PRIM2: variants seen among roughly 807,000 people sequenced by gnomAD.
PRIM2 encodes DNA primase large subunit.
In PRIM2, 39 loss-of-function variants were observed where a neutral mutation model predicts 67.3. That is an observed-to-expected ratio of 0.58 (90% CI 0.45 to 0.76). The LOEUF (loss-of-function observed/expected upper bound fraction) is 0.76. Among genes scored for constraint, PRIM2 ranks in the 30% least tolerant of loss-of-function variants. PRIM2 has a pLI of 0.00. For missense variants in PRIM2, 398 were observed against 598.7 expected (o/e 0.66, Z 3.50); for synonymous variants, 143 against 198.7 (o/e 0.72, Z 2.36).
intron 5 of PRIM2, among the ~76,000 whole-genome samples, chr6:57,358,545 G>A (rs1324271549): frequency 6.6e-6 from 1 of 152,146 alleles, no homozygotes; most frequent in African/African-American, 2.4e-5. Context: ...GAATTTGCAA[G>A]TACATCTTTC....
At chr6:57,298,841 A>G in the PRIM2 span, among the ~76,000 whole-genome samples, 2 of 152,264 alleles carry the variant, frequency 1.3e-5, no homozygotes, top group African/African-American at 4.8e-5. Context: ...CACAATCTGA[A>G]TCATTTTGAT....
Position 57,318,432 on chromosome 6 carries a change from C to A in PRIM2, c.-9-5C>A. ...TTTTACGCTTTTTGTGTACTTCCTT[C>A]TAAGGTGACCAAGATGGAGTTTTCT... is the stretch of plus-strand genomic sequence containing the variant. On this transcript the variant is annotated splice_region_variant and splice_polypyrimidine_tract_variant and intron_variant, in intron 1 of 13. Transcript: ENST00000615550. 1 of 1,607,676 alleles carries A rather than the reference C, an allele frequency of 6.2e-7. No individual in the cohort carries two copies.
chr6:57,627,537 C>T (rs1275218172), intron 12 of PRIM2, among the ~76,000 whole-genome samples: 58,409 of 150,606 alleles, frequency 0.39, 11,606 homozygotes, highest in East Asian at 0.66. Flanking sequence ...TACAGACACG[C>T]ACCACCACAC....
Position 57,439,715 on chromosome 6 carries a change from G to A in PRIM2, c.693+57547G>A, listed in dbSNP as rs1454450403. Among the ~76,000 whole-genome samples, 231 of 151,884 alleles carry A rather than the reference G, an allele frequency of 1.5e-3. 1 individual carries two copies. Among genetic ancestry groups the A allele is most frequent in the Admixed American group, 0.015 (231 of 15,226 alleles). ...CAGGCCTGAGCCACCGTGCCTGGCC[G>A]AGGTGTTCTTTTTTAATGTTAAACT... On this transcript the variant is annotated intron_variant, in intron 7 of 13. Transcript: ENST00000615550.
At chr6:57,312,799 AT>A (rs1045568326), upstream of PRIM2, among the ~76,000 whole-genome samples, 3 of 152,128 alleles carry the variant, frequency 2.0e-5, no homozygotes, top group Non-Finnish European at 2.9e-5. Context: ...CCGTCTATAT[AT>A]TTGTTTTAAA....
the PRIM2 span, among the ~76,000 whole-genome samples, chr6:57,291,568 C>A: frequency 2.6e-5 from 4 of 152,162 alleles, no homozygotes; most frequent in Non-Finnish European, 4.4e-5. Context: ...GGCCAATATC[C>A]CTGATGAACA....
intron 5 of PRIM2, among the ~76,000 whole-genome samples, chr6:57,328,216 C>G (rs1048723758): frequency 1.1e-4 from 17 of 152,180 alleles, no homozygotes; most frequent in African/African-American, 4.1e-4. Context: ...ATTCACAAAT[C>G]TTGACATGCA....
the PRIM2 span, among the ~76,000 whole-genome samples, chr6:57,270,251 T>C: frequency 1.3e-5 from 2 of 152,150 alleles, no homozygotes; most frequent in East Asian, 3.8e-4. Context: ...TATTGATTCT[T>C]CCTACCCATG....
chr6:57,294,023 G>C, the PRIM2 span, among the ~76,000 whole-genome samples: 1 of 152,122 alleles, frequency 6.6e-6, no homozygotes, highest in Non-Finnish European at 1.5e-5. Context: ...TGAAAATCTA[G>C]ACATAGTTTA....
intron 10 of PRIM2, among the ~76,000 whole-genome samples, chr6:57,557,867 C>T (rs1487837069): frequency 6.6e-6 from 1 of 151,538 alleles, no homozygotes; most frequent in Admixed American, 6.6e-5. Context: ...TATTGAATTG[C>T]CTTGCAAATA....
the PRIM2 span, among the ~76,000 whole-genome samples, chr6:57,223,023 T>C: frequency 6.6e-6 from 1 of 152,214 alleles, no homozygotes; most frequent in Admixed American, 6.5e-5. Flanking sequence ...TTTATTGTAA[T>C]AATTCCTTAA....
At chr6:57,235,255 G>A in the PRIM2 span, among the ~76,000 whole-genome samples, 1 of 152,094 alleles carries the variant, frequency 6.6e-6, no homozygotes, top group Non-Finnish European at 1.5e-5. Context: ...GTGAGATCAG[G>A]AGCTCAAGAC....
intron 3 of PRIM2, among the ~76,000 whole-genome samples, chr6:57,321,654 T>C (rs1490155985): frequency 6.6e-6 from 1 of 152,154 alleles, no homozygotes; most frequent in Non-Finnish European, 1.5e-5. Flanking sequence ...ATAATAATGA[T>C]CATGATATTA....
At chr6:57,230,462 TAC>T in the PRIM2 span, among the ~76,000 whole-genome samples, 1 of 152,222 alleles carries the variant, frequency 6.6e-6, no homozygotes, top group Non-Finnish European at 1.5e-5. Context: ...TTGTTGTTGT[TAC>T]AGTTTATCTT....
intron 7 of PRIM2, among the ~76,000 whole-genome samples, chr6:57,465,966 C>T (rs1320044450): frequency 6.6e-6 from 1 of 151,806 alleles, no homozygotes; most frequent in South Asian, 2.1e-4. Flanking sequence ...TGCTATCCCT[C>T]CCCCAGCTCC....
At chr6:57,264,437 A>G in the PRIM2 span, among the ~76,000 whole-genome samples, 1 of 151,902 alleles carries the variant, frequency 6.6e-6, no homozygotes, top group Admixed American at 6.6e-5. Context: ...TTGTTCCTGG[A>G]GTGCTCGTCA....
intron 5 of PRIM2, among the ~76,000 whole-genome samples, chr6:57,364,161 TG>T (rs1769280333): frequency 6.6e-6 from 1 of 152,178 alleles, no homozygotes. Context: ...TTTTCAAATT[TG>T]TTGTAGGTTG....
intron 10 of PRIM2, among the ~76,000 whole-genome samples, chr6:57,542,938 G>GTTTTTTTTTTTTTTTTTTTT (rs1581980392): frequency 3.5e-5 from 2 of 56,866 alleles, no homozygotes; most frequent in African/African-American, 1.1e-4. Context: ...CTGCTTATAG[G>GTTTTTTTTTTTTTTTTTTTT]ATTTTTTTTT....
intron 9 of PRIM2, among the ~76,000 whole-genome samples, chr6:57,534,858 T>C (rs1774968654): frequency 6.6e-6 from 1 of 152,212 alleles, no homozygotes; most frequent in African/African-American, 2.4e-5. Context: ...TACTTTGTCT[T>C]ACTTGAAATG....
Sources: gnomAD v4.1 joint callset for allele counts (sites outside exome capture counted in the v4.1 genomes callset) on GRCh38, gnomAD v4.1.1 for gene constraint, MANE v1.5 for transcripts, NCBI Gene and HGNC (gene_info 2026-07-23, HGNC 2026-07-21) for gene names.